GAS2: variants seen among roughly 807,000 people sequenced by gnomAD.
The protein encoded by GAS2 is growth arrest specific 2.
A neutral mutation model predicts 37.5 loss-of-function variants in GAS2; 20 were observed. The observed-to-expected ratio is 0.53, with a 90% CI of 0.37 to 0.77. The LOEUF (loss-of-function observed/expected upper bound fraction) is 0.77, where lower values mean the gene tolerates loss of function less well. Among genes scored for constraint, GAS2 ranks in the 30% least tolerant of loss-of-function variants. The pLI is 0.00. For missense variants in GAS2, 336 were observed against 373.4 expected (o/e 0.90, Z 0.82); for synonymous variants, 144 against 132.2 (o/e 1.09, Z -0.61).
intron 7 of GAS2, among the ~76,000 whole-genome samples, chr11:22,799,468 T>C (rs1038580347): frequency 6.6e-6 from 1 of 152,072 alleles, no homozygotes; most frequent in Admixed American, 6.6e-5. Context: ...TTCTTCTCTT[T>C]TTGCTTCCCT....
rs184868717 is a variant in GAS2 at position 22,697,331 on chromosome 11, G to C, written c.267+11542G>C. Among the ~76,000 whole-genome samples, 1,028 of 152,230 alleles carry C rather than the reference G, an allele frequency of 6.8e-3. 8 individuals carry two copies. The highest frequency in any genetic ancestry group is 0.023 in the African/African-American group (969 of 41,512). On this transcript the variant is annotated intron_variant, in intron 3 of 7. Coordinates refer to ENST00000454584, the MANE Select transcript of GAS2 (RefSeq NM_001143830.3). ...TCTGTTTTGGTACCAGTACCATGCT[G>C]TTTTGGTTACTGTAGCCTTGTAGTA...
At chr11:22,694,561 G>A (rs749721475) in intron 3 of GAS2, among the ~76,000 whole-genome samples, 11 of 152,152 alleles carry the variant, frequency 7.2e-5, no homozygotes, top group Non-Finnish European at 1.2e-4. Flanking sequence ...TTAATTACAG[G>A]TCGAATAGAA....
intron 1 of GAS2, among the ~76,000 whole-genome samples, chr11:22,658,877 C>A (rs374567298): frequency 5.3e-5 from 8 of 152,282 alleles, no homozygotes; most frequent in Admixed American, 2.6e-4. Flanking sequence ...TGCCATAAAT[C>A]TGAATGTTGA....
chr11:22,717,914 C>G (rs1482929529), intron 3 of GAS2, among the ~76,000 whole-genome samples: 2 of 152,054 alleles, frequency 1.3e-5, no homozygotes, highest in Non-Finnish European at 2.9e-5. Flanking sequence ...ATCAAAACCA[C>G]AATGTGATAC....
At chr11:22,691,492 A>G (rs999818397) in intron 3 of GAS2, among the ~76,000 whole-genome samples, 11 of 152,230 alleles carry the variant, frequency 7.2e-5, no homozygotes, top group African/African-American at 2.7e-4. Flanking sequence ...TGGTAGATGC[A>G]ATAAAAGGTT....
At chr11:22,765,379 T>C (rs1240781192) in intron 7 of GAS2, among the ~76,000 whole-genome samples, 2 of 152,224 alleles carry the variant, frequency 1.3e-5, no homozygotes, top group African/African-American at 4.8e-5. Context: ...TTTCTACAAC[T>C]GAAATTGAAA....
At chr11:22,683,294 G>A (rs1050775108) in intron 2 of GAS2, among the ~76,000 whole-genome samples, 5 of 152,048 alleles carry the variant, frequency 3.3e-5, no homozygotes, top group Admixed American at 2.0e-4. Context: ...GAGACAGAGT[G>A]TCACTCTGTC....
rs551735112 is a variant in GAS2, at chr11:22,709,511, C to T, written c.268-16781C>T. ...TGTTACAAATGTTAGGCCTTCAGTTCGAAAGGTTAATTAGATTAAATTACT... is the reference window on the plus strand; with the variant it reads ...TGTTACAAATGTTAGGCCTTCAGTTTGAAAGGTTAATTAGATTAAATTACT... On this transcript the variant is annotated intron_variant, in intron 3 of 7. Transcript: ENST00000454584. 8.5e-5 allele frequency among the ~76,000 whole-genome samples: 13 copies of T among 152,118 alleles called. 1 individual carries two copies. The highest frequency in any genetic ancestry group is 1.3e-4 in the Non-Finnish European group (9 of 67,992).
chr11:22,630,455 C>T (rs1858728640), intron 1 of GAS2, among the ~76,000 whole-genome samples: 2 of 152,280 alleles, frequency 1.3e-5, no homozygotes, highest in East Asian at 3.9e-4. Context: ...CAAATGGGAT[C>T]TACTTAAACT....
rs145993463 is a variant in GAS2 at position 22,755,748 on chromosome 11, A to G, written c.616-98A>G. ...TGTCCATAGATAAATAACAAGTTTAAAGTCATTAAGGGTTCAGGGGCCGTG... is the reference window on the plus strand; with the variant it reads ...TGTCCATAGATAAATAACAAGTTTAGAGTCATTAAGGGTTCAGGGGCCGTG... On this transcript the variant is annotated intron_variant, in intron 6 of 7. Coordinates refer to ENST00000454584, the MANE Select transcript of GAS2 (RefSeq NM_001143830.3). 81 of 721,652 alleles carry G rather than the reference A, an allele frequency of 1.1e-4. No homozygotes were observed. The African/African-American group carries it at 1.3e-3, about 12-fold the overall frequency. The allele number at this position is 721,652 out of a possible 1,614,324, so 44.7% of individuals were successfully genotyped here.
At chr11:22,725,657 A>C (rs1317149664) in intron 3 of GAS2, among the ~76,000 whole-genome samples, 1 of 151,918 alleles carries the variant, frequency 6.6e-6, no homozygotes, top group Non-Finnish European at 1.5e-5. Flanking sequence ...GAACTCCTGG[A>C]CTCCAATCCT....
intron 3 of GAS2, among the ~76,000 whole-genome samples, chr11:22,696,146 T>C (rs918205312): frequency 3.6e-5 from 5 of 137,400 alleles, no homozygotes; most frequent in Admixed American, 3.1e-4. Context: ...CCTGTGTCCA[T>C]GTGTTCTCAT....
intron 1 of GAS2, among the ~76,000 whole-genome samples, chr11:22,640,548 TA>T (rs1858896728): frequency 6.6e-6 from 1 of 152,170 alleles, no homozygotes; most frequent in Admixed American, 6.6e-5. Context: ...TTCTCAAGCA[TA>T]TAAAGAGAAC....
chr11:22,653,095 T>C (rs1848814190), intron 1 of GAS2, among the ~76,000 whole-genome samples: 1 of 151,056 alleles, frequency 6.6e-6, no homozygotes, highest in Non-Finnish European at 1.5e-5. Context: ...CTTCCTTCCT[T>C]CCTTCTTTCC....
At chr11:22,663,073 C>T (rs1033782759), upstream of GAS2, among the ~76,000 whole-genome samples, 7 of 151,938 alleles carry the variant, frequency 4.6e-5, no homozygotes, top group African/African-American at 1.5e-4. Context: ...AGGGGCAGCA[C>T]GGCATGTCTT....
intron 1 of GAS2, among the ~76,000 whole-genome samples, chr11:22,640,661 A>T (rs1352485070): frequency 6.6e-6 from 1 of 152,212 alleles, no homozygotes; most frequent in Non-Finnish European, 1.5e-5. Context: ...TCTCTCTTAA[A>T]AAATGAGAAT....
At chr11:22,772,470 G>T (rs1378615223) in intron 7 of GAS2, among the ~76,000 whole-genome samples, 3 of 151,994 alleles carry the variant, frequency 2.0e-5, no homozygotes, top group African/African-American at 7.3e-5. Flanking sequence ...CTTTTAAAGG[G>T]GTGTGTGTAT....
At chr11:22,652,396 G>C (rs1848789552) in intron 1 of GAS2, among the ~76,000 whole-genome samples, 1 of 152,236 alleles carries the variant, frequency 6.6e-6, no homozygotes, top group Non-Finnish European at 1.5e-5. Flanking sequence ...CCTGCCCCCA[G>C]AGGTGGAGCC....
At chr11:22,629,022 T>C (rs2133802527) in intron 1 of GAS2, among the ~76,000 whole-genome samples, 2 of 152,250 alleles carry the variant, frequency 1.3e-5, no homozygotes, top group South Asian at 4.1e-4. Flanking sequence ...TGTGTATGTA[T>C]GTATGCATGT....
Sources: allele counts gnomAD v4.1 joint callset (sites outside exome capture counted in the v4.1 genomes callset), GRCh38; gene constraint gnomAD v4.1.1; transcripts MANE v1.5; gene names NCBI Gene and HGNC (gene_info 2026-07-23, HGNC 2026-07-21).